The following ARL6 variants were observed in gnomAD, a reference collection of about 807,000 sequenced individuals.
ARL6 encodes the protein ADP-ribosylation factor-like protein 6.
In ARL6, 18 loss-of-function variants were observed where a neutral mutation model predicts 27.1. The ratio of observed to expected loss-of-function variants is 0.66; its 90% CI spans 0.46 to 0.98. The LOEUF is 0.98. ARL6 is among the 50% of genes least tolerant of loss of function. The pLI is 0.00. For missense variants in ARL6, 187 were observed against 214.9 expected (o/e 0.87, Z 0.81); for synonymous variants, 65 against 72.3 (o/e 0.90, Z 0.51).
At chr3:97,773,535 T>C (rs1415090404) in intron 2 of ARL6, among the ~76,000 whole-genome samples, 3 of 152,154 alleles carry the variant, frequency 2.0e-5, no homozygotes, top group Non-Finnish European at 4.4e-5. Flanking sequence ...AGGACAATAA[T>C]AAGGTCATAA....
rs781217037 is a variant in ARL6, at chr3:97,798,101, A to C, written c.*52A>C. 6.5e-7 allele frequency: 1 copy of C among 1,541,864 alleles called. No homozygotes were observed. The highest frequency in any genetic ancestry group is 9.0e-7 in the Non-Finnish European group (1 of 1,117,034). ...ATTTTCAATTCAAGGAATCTATCTA[A>C]GACAAATAGAATACATTTTGTAAAA... is the stretch of plus-strand genomic sequence containing the variant. On this transcript the variant is annotated 3_prime_UTR_variant, in exon 8 of 8. Coordinates refer to ENST00000463745, the MANE Select transcript of ARL6 (RefSeq NM_001278293.3).
At chr3:97,787,575 G>C (rs2037518156) in intron 5 of ARL6, among the ~76,000 whole-genome samples, 1 of 152,074 alleles carries the variant, frequency 6.6e-6, no homozygotes, top group African/African-American at 2.4e-5. Context: ...TAAAAATCTA[G>C]CTTGTTACTT....
intron 6 of ARL6, 72 bp from the exon 7 acceptor site, chr3:97,791,699 A>T: frequency 6.9e-7 from 1 of 1,442,162 alleles, no homozygotes; most frequent in South Asian, 1.2e-5. Context: ...CATATGGCAA[A>T]ATTGTAATCC....
chr3:97,781,318 T>C (rs1287923981), intron 4 of ARL6, among the ~76,000 whole-genome samples: 2 of 144,830 alleles, frequency 1.4e-5, no homozygotes, highest in East Asian at 4.1e-4. Context: ...CTCACTAATT[T>C]ACACTTGGTC....
rs1275809614 is a variant in ARL6, at chr3:97,800,879, G to A, written c.*2830G>A. ...TCCTCACATGGCCAAAAGAGGACAA[G>A]AGAACTCTCTGGAGTCTGTTTGATA... is the stretch of plus-strand genomic sequence containing the variant. On this transcript the variant is annotated 3_prime_UTR_variant, in exon 8 of 8. Coordinates refer to ENST00000463745, the MANE Select transcript of ARL6 (RefSeq NM_001278293.3). 2 of 152,154 alleles carry A rather than the reference G, an allele frequency of 1.3e-5. No homozygotes were observed. Among genetic ancestry groups the A allele is most frequent in the Non-Finnish European group, 2.9e-5 (2 of 68,036 alleles). The allele number at this position is 152,154 out of a possible 1,614,324, so 9.4% of individuals were successfully genotyped here.
At position 97,798,779 on chromosome 3, in the gene ARL6, C is replaced by T. The variant is rs1215718952; in HGVS notation, c.*730C>T. On this transcript the variant is annotated 3_prime_UTR_variant, in exon 8 of 8. Coordinates refer to ENST00000463745, the MANE Select transcript of ARL6 (RefSeq NM_001278293.3). ...ATTTAATGAGGGATAATTTGAGAAC[C>T]TTTCCATGGATAGTATCTAATTTTA... The T allele has an allele frequency of 6.6e-6, 1 of 152,004 alleles. No homozygotes were observed. Among genetic ancestry groups the T allele is most frequent in the Admixed American group, 6.6e-5 (1 of 15,254 alleles). The allele number at this position is 152,004 out of a possible 1,614,324, so 9.4% of individuals were successfully genotyped here.
At chr3:97,794,246 C>T (rs2108096562) in intron 7 of ARL6, among the ~76,000 whole-genome samples, 1 of 149,488 alleles carries the variant, frequency 6.7e-6, no homozygotes. Context: ...ACTCTTGTCT[C>T]TTGTCACCCA....
intron 2 of ARL6, among the ~76,000 whole-genome samples, chr3:97,777,489 T>A (rs1344669905): frequency 6.6e-6 from 1 of 152,234 alleles, no homozygotes; most frequent in Non-Finnish European, 1.5e-5. Flanking sequence ...AAATACTATG[T>A]AAATAGTGTT....
At chr3:97,765,209 GGGGTGT>G (rs200446093) in intron 1 of ARL6, among the ~76,000 whole-genome samples, 20,618 of 127,962 alleles carry the variant, frequency 0.16, 1,464 homozygotes, top group East Asian at 0.35. Flanking sequence ...CCGTGTATTG[GGGGTGT>G]GTGTGTGTGT....
rs1488422783 is a variant in ARL6 at position 97,801,226 on chromosome 3, A to T, written c.*3177A>T. 6.6e-6 allele frequency: 1 copy of T among 152,166 alleles called. No individual in the cohort carries two copies. The highest frequency in any genetic ancestry group is 1.5e-5 in the Non-Finnish European group (1 of 68,024). 9.4% of individuals were successfully genotyped at this position (152,166 alleles called of 1,614,324 possible). On this transcript the variant is annotated 3_prime_UTR_variant, in exon 8 of 8. Coordinates refer to ENST00000463745, the MANE Select transcript of ARL6 (RefSeq NM_001278293.3). ...TTGTGTACGTCTGCGACTAGAGAGAAATACTACAGTGATTAAGAAATGGTT... is the reference window on the plus strand; with the variant it reads ...TTGTGTACGTCTGCGACTAGAGAGATATACTACAGTGATTAAGAAATGGTT...
chr3:97,770,376 A>G (rs756276176), intron 2 of ARL6, among the ~76,000 whole-genome samples: 2 of 151,572 alleles, frequency 1.3e-5, no homozygotes, highest in Non-Finnish European at 3.0e-5. Context: ...TTTTTTAGTC[A>G]GATTTTTTGT....
chr3:97,769,686 CT>C (rs939429359), intron 2 of ARL6, among the ~76,000 whole-genome samples: 3 of 152,010 alleles, frequency 2.0e-5, no homozygotes, highest in African/African-American at 7.2e-5. Flanking sequence ...CTCTCCACCC[CT>C]CTCTCCGCCC....
At chr3:97,765,819 C>T (rs2036351433) in intron 1 of ARL6, among the ~76,000 whole-genome samples, 1 of 152,196 alleles carries the variant, frequency 6.6e-6, no homozygotes, top group African/African-American at 2.4e-5. Flanking sequence ...TCTCTCGCTG[C>T]ACACTTAAGA....
intron 2 of ARL6, among the ~76,000 whole-genome samples, chr3:97,772,862 T>G (rs1356970694): frequency 6.6e-6 from 1 of 152,180 alleles, no homozygotes; most frequent in Middle Eastern, 3.4e-3. Flanking sequence ...TCTGGTGATC[T>G]GCCCACCTCG....
intron 6 of ARL6, 22 bp downstream of exon 6, chr3:97,788,141 T>A: frequency 6.2e-7 from 1 of 1,609,356 alleles, no homozygotes; most frequent in Non-Finnish European, 8.5e-7. Context: ...TATTTACTTT[T>A]CACTGTAGCT....
In ARL6 at chr3:97,787,984, T is replaced by G; in HGVS notation, c.350-6T>G. 6.2e-7 allele frequency: 1 copy of G among 1,613,124 alleles called. No homozygotes were observed. The highest frequency in any genetic ancestry group is 8.5e-7 in the Non-Finnish European group (1 of 1,179,386). On this transcript the variant is annotated splice_polypyrimidine_tract_variant and splice_region_variant and intron_variant, in intron 5 of 7. Transcript: ENST00000463745. ...AGTGTGATGATAATCTTATTTTCTC[T>G]TTTAGATATTAAACACCGTCGAATT...
chr3:97,775,422 T>C (rs969068410), intron 2 of ARL6, among the ~76,000 whole-genome samples: 1 of 148,566 alleles, frequency 6.7e-6, no homozygotes, highest in African/African-American at 2.4e-5. Flanking sequence ...GGTAGAAAGA[T>C]GTAGGCTGGG....
At chr3:97,796,348 T>A (rs2038002920) in intron 7 of ARL6, among the ~76,000 whole-genome samples, 1 of 150,972 alleles carries the variant, frequency 6.6e-6, no homozygotes, top group Non-Finnish European at 1.5e-5. Context: ...AAAAAATGAG[T>A]TCTTGGAAAA....
intron 4 of ARL6, among the ~76,000 whole-genome samples, chr3:97,782,866 T>C (rs2037266807): frequency 2.0e-5 from 3 of 151,310 alleles, no homozygotes; most frequent in Admixed American, 1.3e-4. Context: ...GCTATAAATA[T>C]GTACTTACTA....
Sources: allele counts gnomAD v4.1 joint callset (sites outside exome capture counted in the v4.1 genomes callset), GRCh38; gene constraint gnomAD v4.1.1; transcripts MANE v1.5; gene names NCBI Gene and HGNC (gene_info 2026-07-23, HGNC 2026-07-21).